RAB3GAP2: variants seen among roughly 807,000 people sequenced by gnomAD.
RAB3GAP2 encodes the protein RAB3 GTPase activating non-catalytic protein subunit 2, also known as rab3 GTPase-activating protein non-catalytic subunit.
RAB3GAP2 carries 87 observed loss-of-function variants against 185.3 expected under a neutral mutation model. The ratio of observed to expected loss-of-function variants is 0.47; its 90% CI spans 0.39 to 0.56. The LOEUF (loss-of-function observed/expected upper bound fraction) is 0.56. Among genes scored for constraint, RAB3GAP2 ranks in the 20% least tolerant of loss-of-function variants. The pLI, the probability that RAB3GAP2 is intolerant of heterozygous loss-of-function variation, is 0.00. For synonymous variants in RAB3GAP2, 554 were observed against 576.1 expected, an observed-to-expected ratio of 0.96 and a Z score of 0.55; for missense variants, 1,492 against 1,638.2, an observed-to-expected ratio of 0.91 and a Z score of 1.54.
At chr1:220,207,743 C>T (rs890534594) in intron 7 of RAB3GAP2, 1 of 152,236 alleles carries the variant, frequency 6.6e-6, no homozygotes, top group Non-Finnish European at 1.5e-5. Context: ...CTGAAGAAAA[C>T]ACTAATACAA....
intron 1 of RAB3GAP2, among the ~76,000 whole-genome samples, chr1:220,244,922 T>A (rs1039081726): frequency 6.6e-6 from 1 of 152,142 alleles, no homozygotes; most frequent in Non-Finnish European, 1.5e-5. Flanking sequence ...AGGCAAAGTA[T>A]TCCTAAGACC....
chr1:220,247,592 C>T (rs147937562), intron 1 of RAB3GAP2, among the ~76,000 whole-genome samples: 112 of 152,128 alleles, frequency 7.4e-4, no homozygotes, highest in African/African-American at 2.5e-3. Context: ...TCTGAGGACT[C>T]GATGAGGGGA....
rs866713260 is a variant in RAB3GAP2, at chr1:220,158,687, A to T, written c.3261+699T>A. Among the ~76,000 whole-genome samples the T allele has an allele frequency of 6.6e-6, 1 of 152,210 alleles. No homozygotes were observed. The highest frequency in any genetic ancestry group is 3.4e-3 in the Middle Eastern group (1 of 294). On this transcript the variant is annotated intron_variant, in intron 29 of 34. Coordinates refer to ENST00000358951, the MANE Select transcript of RAB3GAP2 (RefSeq NM_012414.4). This position sits in a 1 kb window ranked among gnomAD's most constrained non-coding sequence, Gnocchi z 4.3. ...AACTCCTGACCTCAGGTGATCCACC[A>T]GCCTCGCCTTTCCAAAGTGCTAGGA...
At chr1:220,264,426 A>G (rs1046578692) in intron 1 of RAB3GAP2, among the ~76,000 whole-genome samples, 1 of 152,074 alleles carries the variant, frequency 6.6e-6, no homozygotes, top group Non-Finnish European at 1.5e-5. Context: ...GCAACTTACT[A>G]TAATAAGACT....
At chr1:220,233,437 C>T (rs1358063076) in intron 1 of RAB3GAP2, among the ~76,000 whole-genome samples, 1 of 152,120 alleles carries the variant, frequency 6.6e-6, no homozygotes, top group East Asian at 1.9e-4. Flanking sequence ...AACAACAATG[C>T]AACAAGGAAT....
intron 1 of RAB3GAP2, chr1:220,267,484 C>T (rs960502283): frequency 4.6e-5 from 64 of 1,405,494 alleles, no homozygotes; most frequent in Non-Finnish European, 6.4e-5. Flanking sequence ...ATAAACATTA[C>T]CAAACTTTCC....
chr1:220,151,490 T>C (rs1048782866), intron 34 of RAB3GAP2, 84 bp from the exon 35 acceptor site: 1 of 1,601,012 alleles, frequency 6.2e-7, no homozygotes, highest in Non-Finnish European at 8.6e-7. Context: ...ATAAAAATGC[T>C]TTTCTTTGTA....
rs374755051 is a variant in RAB3GAP2 at position 220,209,342 on chromosome 1, T to C, written c.612+1046A>G. Reference sequence around the variant, plus strand: ...ATAAGTTTCTTTGTTGTTGCATATATAGTTCTACATTCGAATCTTCTCTCA... The same window carrying C: ...ATAAGTTTCTTTGTTGTTGCATATACAGTTCTACATTCGAATCTTCTCTCA... On this transcript the variant is annotated intron_variant, in intron 7 of 34. Coordinates refer to ENST00000358951, the MANE Select transcript of RAB3GAP2 (RefSeq NM_012414.4). 2.0e-3 allele frequency among the ~76,000 whole-genome samples: 312 copies of C among 152,346 alleles called. 1 individual carries two copies. Among genetic ancestry groups the C allele is most frequent in the African/African-American group, 7.0e-3 (292 of 41,584 alleles).
Position 220,151,593 on chromosome 1 carries a change from C to T in RAB3GAP2, c.4026+13G>A, listed in dbSNP as rs771446188. 1.9e-6 allele frequency: 3 copies of T among 1,605,128 alleles called. No individual in the cohort carries two copies. The highest frequency in any genetic ancestry group is 2.6e-6 in the Non-Finnish European group (3 of 1,171,774). On this transcript the variant is annotated intron_variant, in intron 34 of 34. Transcript: ENST00000358951. ...CAATGACCTTTTGCCTGATCTCGTTCTATTGTACTGACCATTGCTTTCAGC... is the reference window on the plus strand; with the variant it reads ...CAATGACCTTTTGCCTGATCTCGTTTTATTGTACTGACCATTGCTTTCAGC...
intron 24 of RAB3GAP2, among the ~76,000 whole-genome samples, chr1:220,168,399 CT>C (rs746471692): frequency 3.7e-3 from 514 of 138,862 alleles, no homozygotes; most frequent in Admixed American, 4.1e-3. Context: ...GTAAATATTC[CT>C]TTTTTTTTTT....
chr1:220,256,272 T>TA (rs377012480), intron 1 of RAB3GAP2, among the ~76,000 whole-genome samples: 272 of 152,036 alleles, frequency 1.8e-3, no homozygotes, highest in African/African-American at 6.1e-3. Context: ...AATATGAAAA[T>TA]AAAAAACCAT....
chr1:220,148,299 C>G lies in RAB3GAP2; in HGVS notation c.*2952G>C, dbSNP rs1657659103. 6.5e-6 allele frequency: 1 copy of G among 153,890 alleles called. No individual in the cohort carries two copies. Among genetic ancestry groups the G allele is most frequent in the Admixed American group, 6.5e-5 (1 of 15,326 alleles). 9.5% of individuals were successfully genotyped at this position (153,890 alleles called of 1,614,324 possible). A position where few individuals can be genotyped will look rare whatever the true frequency, so the allele number is the denominator to read the frequency against. On this transcript the variant is annotated 3_prime_UTR_variant, in exon 35 of 35. Coordinates refer to ENST00000358951, the MANE Select transcript of RAB3GAP2 (RefSeq NM_012414.4). The stretch of plus-strand genomic sequence containing the variant: ...GAATGTTTAGGAAACAACATGAAAG[C>G]TGAAAATTTATTTCACTAATATACA...
chr1:220,207,589 A>G (rs1434112051), intron 7 of RAB3GAP2: 1 of 152,258 alleles, frequency 6.6e-6, no homozygotes, highest in Non-Finnish European at 1.5e-5. Context: ...ATGTGTTCTC[A>G]CATGACAAGT....
chr1:220,153,223 C>G lies in RAB3GAP2; in HGVS notation c.3829G>C (p.Glu1277Gln), dbSNP rs886046019. 5.0e-6 allele frequency: 8 copies of G among 1,613,930 alleles called. No individual in the cohort carries two copies. The highest frequency in any genetic ancestry group is 6.8e-6 in the Non-Finnish European group (8 of 1,179,858). The change falls in exon 33 of 35, where the codon GAA (glutamate) becomes CAA (glutamine). Residue 1277 changes from glutamate (E) to glutamine (Q), a missense_variant. Coordinates refer to ENST00000358951, the MANE Select transcript of RAB3GAP2 (RefSeq NM_012414.4). ...EDVVRRHYVG[E>Q]LYNYGVDHLG... ...TGGTCAACTCCATAGTTGTATAGTT[C>G]CCCCACATAATGCCTTCTAACAACA... is the stretch of plus-strand genomic sequence containing the variant.
chr1:220,179,199 A>C lies in RAB3GAP2; in HGVS notation c.2310+3058T>G, dbSNP rs538979950. Among the ~76,000 whole-genome samples, 5 of 148,110 alleles carry C rather than the reference A, an allele frequency of 3.4e-5. No homozygotes were observed. In the South Asian group the frequency reaches 1.1e-3, roughly 32 times the overall value. ...GGGAGGTAGAGGTTGCAGTGAGCCG[A>C]GATCATGACACTGCACTCCCGCCTG... is the stretch of plus-strand genomic sequence containing the variant. On this transcript the variant is annotated intron_variant, in intron 21 of 34. Coordinates refer to ENST00000358951, the MANE Select transcript of RAB3GAP2 (RefSeq NM_012414.4).
chr1:220,172,656 G>T lies in RAB3GAP2; in HGVS notation c.2397C>A (p.Ser799=). ...GTTTACCTTTCATCTTGCTCAGGAG[G>T]GACAGCATGGTATGAAGACAGCAGA... The part of the protein sequence containing the change: ...QSICCLHTML[S]LLSKMKVAID... The change falls in exon 22 of 35, where the codon TCC becomes TCA. Residue 799 remains serine, a synonymous_variant. Coordinates refer to ENST00000358951, the MANE Select transcript of RAB3GAP2 (RefSeq NM_012414.4). 6.2e-7 allele frequency: 1 copy of T among 1,610,262 alleles called. No individual in the cohort carries two copies. Among genetic ancestry groups the T allele is most frequent in the Non-Finnish European group, 8.5e-7 (1 of 1,176,534 alleles).
chr1:220,224,267 TCAGG>T (rs1175355972), intron 2 of RAB3GAP2, among the ~76,000 whole-genome samples: 2 of 152,064 alleles, frequency 1.3e-5, no homozygotes, highest in Non-Finnish European at 2.9e-5. Context: ...GGACAGAAAT[TCAGG>T]CAGTCGGACT....
intron 21 of RAB3GAP2, among the ~76,000 whole-genome samples, chr1:220,174,405 A>G (rs1658248248): frequency 6.6e-6 from 1 of 152,128 alleles, no homozygotes; most frequent in Non-Finnish European, 1.5e-5. Context: ...TTTTGTGGGT[A>G]CATAGTAGGT....
chr1:220,194,723 G>C (rs756260751), intron 12 of RAB3GAP2, among the ~76,000 whole-genome samples: 19 of 152,120 alleles, frequency 1.2e-4, no homozygotes, highest in Non-Finnish European at 2.5e-4. Context: ...AAATCACTAA[G>C]TACTTTTAAA....
Sources: gnomAD v4.1 joint callset for allele counts (sites outside exome capture counted in the v4.1 genomes callset) on GRCh38, gnomAD v4.1.1 for gene constraint, Gnocchi (gnomAD v3.1) non-coding constraint, MANE v1.5 for transcripts, NCBI Gene and HGNC (gene_info 2026-07-23, HGNC 2026-07-21) for gene names.